The following MPP7 variants were observed in gnomAD, a reference collection of about 807,000 sequenced individuals.
The protein encoded by MPP7 is MAGUK p55 subfamily member 7.
A neutral mutation model predicts 76.5 loss-of-function variants in MPP7; 60 were observed. The ratio of observed to expected loss-of-function variants is 0.78; its 90% CI spans 0.64 to 0.97. The LOEUF is 0.97. Among genes scored for constraint, MPP7 ranks in the 50% least tolerant of loss-of-function variants. The pLI is 0.00. For missense variants in MPP7, 641 were observed against 694.0 expected (o/e 0.92, Z 0.86); for synonymous variants, 237 against 244.5 (o/e 0.97, Z 0.29).
chr10:28,253,150 C>T (rs1295710723), intron 1 of MPP7, among the ~76,000 whole-genome samples: 2 of 152,218 alleles, frequency 1.3e-5, no homozygotes, highest in South Asian at 2.1e-4. Flanking sequence ...TCGTGATCTA[C>T]CCTCCTCGGC....
At chr10:28,246,604 C>G (rs1207979295) in intron 1 of MPP7, among the ~76,000 whole-genome samples, 1 of 151,996 alleles carries the variant, frequency 6.6e-6, no homozygotes, top group Non-Finnish European at 1.5e-5. Flanking sequence ...AATTTTCAGG[C>G]TGGGCAATCA....
chr10:28,294,176 G>C (rs984423198), intron 1 of MPP7, among the ~76,000 whole-genome samples: 2 of 152,154 alleles, frequency 1.3e-5, no homozygotes, highest in African/African-American at 4.8e-5. Flanking sequence ...GGTGCCTGTA[G>C]TCCAGTTTAA....
intron 11 of MPP7, among the ~76,000 whole-genome samples, chr10:28,117,627 T>C (rs1050981920): frequency 2.6e-5 from 4 of 152,078 alleles, no homozygotes; most frequent in African/African-American, 9.7e-5. Flanking sequence ...AAAACATAGG[T>C]TAAAGTGTTT....
intron 3 of MPP7, among the ~76,000 whole-genome samples, chr10:28,154,364 C>T (rs1314364419): frequency 1.3e-5 from 2 of 152,158 alleles, no homozygotes; most frequent in African/African-American, 4.8e-5. Context: ...TGTACCTTTG[C>T]TCAAGCTACA....
At chr10:28,113,300 C>T (rs1188642993) in intron 11 of MPP7, among the ~76,000 whole-genome samples, 2 of 152,164 alleles carry the variant, frequency 1.3e-5, no homozygotes, top group African/African-American at 4.8e-5. Flanking sequence ...TCCCAGACAA[C>T]TCCCCTCTTC....
chr10:28,187,257 G>A (rs557915874), intron 3 of MPP7, among the ~76,000 whole-genome samples: 1 of 152,250 alleles, frequency 6.6e-6, no homozygotes, highest in Non-Finnish European at 1.5e-5. Context: ...TCTCTGAAAA[G>A]GGCAACATAT....
At chr10:28,085,199 C>T (rs1852946453) in intron 12 of MPP7, among the ~76,000 whole-genome samples, 1 of 152,152 alleles carries the variant, frequency 6.6e-6, no homozygotes, top group African/African-American at 2.4e-5. Context: ...TGGTGTCCAC[C>T]TGCTGGGGTC....
intron 2 of MPP7, among the ~76,000 whole-genome samples, chr10:28,220,566 A>G (rs1443995126): frequency 1.3e-5 from 2 of 152,192 alleles, no homozygotes; most frequent in African/African-American, 2.4e-5. Context: ...ATTGCAAGGT[A>G]GCAATTCAAA....
intron 1 of MPP7, among the ~76,000 whole-genome samples, chr10:28,252,927 G>A (rs1402337671): frequency 6.6e-6 from 1 of 151,538 alleles, no homozygotes; most frequent in Non-Finnish European, 1.5e-5. Context: ...TGGGAGGGGG[G>A]GGCGGAGTCC....
At position 28,089,761 on chromosome 10, in the gene MPP7, G is replaced by A. The variant is rs762858218; in HGVS notation, c.1033C>T (p.Gln345Ter). The A allele has an allele frequency of 1.9e-6, 3 of 1,610,660 alleles. No individual in the cohort carries two copies. The highest frequency in any genetic ancestry group is 2.5e-6 in the Non-Finnish European group (3 of 1,177,074). Residue 345 changes from glutamine (Q) to a stop codon, truncating the protein, a stop_gained, in exon 12 of 17, where the codon CAG (glutamine) becomes TAG (stop). Coordinates refer to ENST00000683449, the MANE Select transcript of MPP7 (RefSeq NM_001318170.2). LOFTEE classifies it high-confidence loss of function. ...KSMYECKKSD[Q>*]YDTADVPTYE... ...GTGGGTACGTCAGCTGTGTCGTACT[G>A]ATCACTCTTCTTGCATTCATACATG... is the stretch of plus-strand genomic sequence containing the variant.
At chr10:28,238,520 G>C in intron 2 of MPP7, 48 bp downstream of exon 2, 1 of 1,598,882 alleles carries the variant, frequency 6.3e-7, no homozygotes. Flanking sequence ...CTGTGAACAA[G>C]ATTTAAGCAA....
intron 1 of MPP7, among the ~76,000 whole-genome samples, chr10:28,241,160 A>C (rs1301869240): frequency 2.6e-5 from 4 of 152,164 alleles, no homozygotes; most frequent in African/African-American, 9.6e-5. Flanking sequence ...TTAGAATTTC[A>C]TACAATTTGA....
intron 1 of MPP7, among the ~76,000 whole-genome samples, chr10:28,261,440 G>A (rs1291485333): frequency 2.6e-5 from 4 of 152,266 alleles, no homozygotes; most frequent in Admixed American, 6.5e-5. Flanking sequence ...AGATTTAAGC[G>A]AGGCAAACCA....
At chr10:28,333,099 T>C (rs978441085) in intron 1 of MPP7, among the ~76,000 whole-genome samples, 8 of 152,222 alleles carry the variant, frequency 5.3e-5, no homozygotes, top group Non-Finnish European at 8.8e-5. Flanking sequence ...TTTAACCTAA[T>C]GTGTTAAAAT....
intron 1 of MPP7, among the ~76,000 whole-genome samples, chr10:28,294,961 AC>A (rs142087076): frequency 0.056 from 8,507 of 152,292 alleles, 281 homozygotes; most frequent in Non-Finnish European, 0.077. Flanking sequence ...CACTACACTT[AC>A]GTTTCCCCCT....
intron 12 of MPP7, among the ~76,000 whole-genome samples, chr10:28,082,155 C>T (rs1015529281): frequency 2.0e-5 from 3 of 152,054 alleles, no homozygotes; most frequent in East Asian, 3.9e-4. Context: ...ATGTATACAA[C>T]GTTTCTATAA....
chr10:28,285,471 C>CA (rs1840770442), intron 1 of MPP7, among the ~76,000 whole-genome samples: 1 of 152,182 alleles, frequency 6.6e-6, no homozygotes, highest in Admixed American at 6.5e-5. Flanking sequence ...AGGTGTGAGC[C>CA]ACTGTGCCCA....
At chr10:28,093,426 C>G (rs1853413253) in intron 11 of MPP7, among the ~76,000 whole-genome samples, 1 of 150,880 alleles carries the variant, frequency 6.6e-6, no homozygotes, top group Non-Finnish European at 1.5e-5. Flanking sequence ...TTAAAATTCA[C>G]TTAAGTTTTT....
chr10:28,120,855 T>C (rs1834813792), intron 8 of MPP7, among the ~76,000 whole-genome samples, 187 bp from the exon 9 acceptor site: 1 of 152,234 alleles, frequency 6.6e-6, no homozygotes, highest in Non-Finnish European at 1.5e-5. Flanking sequence ...CTGAAGTTTG[T>C]AGAATAAGTT....
Sources: allele counts gnomAD v4.1 joint callset (sites outside exome capture counted in the v4.1 genomes callset), GRCh38; gene constraint gnomAD v4.1.1; transcripts MANE v1.5; gene names NCBI Gene and HGNC (gene_info 2026-07-23, HGNC 2026-07-21).